The following ABCA1 variants were observed in gnomAD, a reference collection of about 807,000 sequenced individuals.
ABCA1 encodes ATP binding cassette subfamily A member 1.
Under a neutral mutation model 262.5 loss-of-function variants are expected in ABCA1, and 133 were observed. The observed-to-expected ratio is 0.51, with a 90% CI of 0.44 to 0.59. The LOEUF is 0.59. Ranked by LOEUF, ABCA1 falls within the 20% of genes least tolerant of loss-of-function variation. The pLI is 0.00. For missense variants in ABCA1, 2,452 were observed against 2,777.5 expected, an observed-to-expected ratio of 0.88 and a Z score of 2.63; for synonymous variants, 1,022 against 1,043.5, an observed-to-expected ratio of 0.98 and a Z score of 0.40.
intron 1 of ABCA1, among the ~76,000 whole-genome samples, chr9:104,926,053 CTT>C (rs1046457568): frequency 1.1e-4 from 16 of 151,954 alleles, no homozygotes; most frequent in Admixed American, 7.9e-4. Context: ...AAATTCCACT[CTT>C]TAACTTGGGG....
At chr9:104,863,907 C>T (rs140427187) in intron 5 of ABCA1, among the ~76,000 whole-genome samples, 58 of 152,188 alleles carry the variant, frequency 3.8e-4, no homozygotes, top group Non-Finnish European at 1.0e-4. Flanking sequence ...AGGGAGCATG[C>T]GAAAATGCAG....
Position 104,912,745 on chromosome 9 carries a change from G to A in ABCA1, c.-92-8974C>T, listed in dbSNP as rs538793867. On this transcript the variant is annotated intron_variant, in intron 1 of 49. Coordinates refer to ENST00000374736, the MANE Select transcript of ABCA1 (RefSeq NM_005502.4). ...ACCACTATTTGCCTTTTCCCTGGTC[G>A]GGGGGTATGTAGCACATAGAAAAAA... 2.0e-5 allele frequency among the ~76,000 whole-genome samples: 3 copies of A among 152,224 alleles called. No homozygotes were observed. In the South Asian group the frequency reaches 6.2e-4, roughly 32 times the overall value.
chr9:104,840,488 C>T lies in ABCA1; in HGVS notation c.845G>A (p.Arg282Gln), dbSNP rs777890632. ...LFSMRSWSDMRQEVMFLTNVN... is the reference protein window; with the variant it reads ...LFSMRSWSDMQQEVMFLTNVN... ...ATTGGTCAGAAACATCACCTCCTGT[C>T]GCATGTCACTCCAGCTTCTCATGCT... The change falls in exon 9 of 50, where the codon CGA becomes CAA. Residue 282 changes from arginine to glutamine, a missense_variant. By Grantham distance (43) the Arg-to-Gln change is conservative. Transcript: ENST00000374736. 9.9e-6 allele frequency: 16 copies of T among 1,613,814 alleles called. No homozygotes were observed. The highest frequency in any genetic ancestry group is 5.3e-5 in the African/African-American group (4 of 74,862).
chr9:104,880,733 A>G (rs1304753452), intron 5 of ABCA1, among the ~76,000 whole-genome samples: 1 of 152,140 alleles, frequency 6.6e-6, no homozygotes, highest in Non-Finnish European at 1.5e-5. Flanking sequence ...AGAGATGTAA[A>G]ACAAGCACTG....
chr9:104,793,101 G>T, intron 41 of ABCA1, 70 bp downstream of exon 41: 1 of 1,603,422 alleles, frequency 6.2e-7, no homozygotes, highest in South Asian at 1.1e-5. Flanking sequence ...CCCCATTGGT[G>T]AGTGTTTCCC....
intron 1 of ABCA1, among the ~76,000 whole-genome samples, chr9:104,914,377 C>T (rs1237872416): frequency 6.6e-6 from 1 of 151,658 alleles, no homozygotes; most frequent in Non-Finnish European, 1.5e-5. Context: ...ACTCAGGAGG[C>T]TGAGCCAGGA....
intron 9 of ABCA1, 74 bp from the exon 10 acceptor site, chr9:104,837,641 C>T: frequency 6.4e-7 from 1 of 1,570,772 alleles, no homozygotes; most frequent in Admixed American, 1.7e-5. Context: ...GGCTTTGGAG[C>T]CAGAGAGTTC....
At chr9:104,860,910 C>T (rs1003654246) in intron 6 of ABCA1, among the ~76,000 whole-genome samples, 2 of 152,054 alleles carry the variant, frequency 1.3e-5, no homozygotes, top group South Asian at 4.1e-4. Context: ...GAGCATGCCA[C>T]CACGCTGAGC....
chr9:104,892,162 G>A (rs1005778807), intron 2 of ABCA1, among the ~76,000 whole-genome samples: 1 of 151,936 alleles, frequency 6.6e-6, no homozygotes, highest in African/African-American at 2.4e-5. Context: ...CTCTCTGGAA[G>A]AAAGCATGCT....
intron 5 of ABCA1, among the ~76,000 whole-genome samples, chr9:104,868,999 A>C (rs1028744323): frequency 1.3e-5 from 2 of 151,442 alleles, no homozygotes; most frequent in African/African-American, 4.9e-5. Flanking sequence ...AGGAGAGGGA[A>C]GAGAGGGGTG....
At chr9:104,784,648 T>C (rs1334408745) in intron 49 of ABCA1, among the ~76,000 whole-genome samples, 193 bp from the exon 50 acceptor site, 1 of 151,928 alleles carries the variant, frequency 6.6e-6, no homozygotes, top group African/African-American at 2.4e-5. Context: ...AAAAATAGAC[T>C]TTTTTTCCCC....
chr9:104,831,135 T>C, intron 13 of ABCA1, 34 bp from the exon 14 acceptor site: 1 of 1,561,596 alleles, frequency 6.4e-7, no homozygotes, highest in Non-Finnish European at 8.7e-7. Flanking sequence ...AACCATTCCT[T>C]TAGAACCATA....
At position 104,806,221 on chromosome 9, in the gene ABCA1, A is replaced by AC; in HGVS notation, c.4464+19dup. 3 of 1,610,966 alleles carry AC rather than the reference A, an allele frequency of 1.9e-6. No individual in the cohort carries two copies. In the South Asian group the frequency reaches 3.3e-5, roughly 18 times the overall value. On this transcript the variant is annotated intron_variant, in intron 31 of 49. Transcript: ENST00000374736. Reference sequence around the variant, plus strand: ...CATCCTGCACCCCTTCTGCCCAATCACCCCCTGAAAGTGACTCACTTGTGG... The same window carrying AC: ...CATCCTGCACCCCTTCTGCCCAATCACCCCCCTGAAAGTGACTCACTTGTGG...
Position 104,809,521 on chromosome 9 carries a change from C to A in ABCA1, c.4219G>T (p.Ala1407Ser). Reference sequence around the variant, plus strand: ...CCGAAGCCAGGGTCTTTGGTGAGGGCGTTTAAGAGTTCCAGGGTTCCCGTG... The same window carrying A: ...CCGAAGCCAGGGTCTTTGGTGAGGGAGTTTAAGAGTTCCAGGGTTCCCGTG... ...EDTGTLELLN[A>S]LTKDPGFGTR... Residue 1407 changes from alanine (A) to serine (S), a missense_variant, in exon 30 of 50, where the codon GCC (alanine) becomes TCC (serine). Physicochemically the swap from Ala to Ser is moderately conservative, Grantham distance 99. Transcript: ENST00000374736. The A allele has an allele frequency of 1.2e-6, 2 of 1,614,104 alleles. No homozygotes were observed.
chr9:104,818,555 T>C lies in ABCA1; in HGVS notation c.3462+108A>G, dbSNP rs1041837947. 1.3e-5 allele frequency: 13 copies of C among 1,033,608 alleles called. No individual in the cohort carries two copies. In the African/African-American group the frequency reaches 1.9e-4, roughly 15 times the overall value. The allele number at this position is 1,033,608 out of a possible 1,614,324, so 64.0% of individuals were successfully genotyped here. On this transcript the variant is annotated intron_variant, in intron 23 of 49. Transcript: ENST00000374736. ...TCAAAGGGGCAACAGAGCAGGGAGATGGTGGTTTCAACATGGCAAAAGGGG... is the reference window on the plus strand; with the variant it reads ...TCAAAGGGGCAACAGAGCAGGGAGACGGTGGTTTCAACATGGCAAAAGGGG...
intron 36 of ABCA1, 103 bp from the exon 37 acceptor site, chr9:104,798,701 CAG>C: frequency 1.0e-6 from 1 of 981,896 alleles, no homozygotes. Flanking sequence ...TACACACACA[CAG>C]AGATATCTGA....
intron 5 of ABCA1, among the ~76,000 whole-genome samples, chr9:104,880,273 TG>T (rs1300318139): frequency 6.6e-6 from 1 of 152,112 alleles, no homozygotes; most frequent in African/African-American, 2.4e-5. Flanking sequence ...GGTCTCTAAG[TG>T]GGGATCCATA....
chr9:104,817,600 G>A lies in ABCA1; in HGVS notation c.3463-196C>T, dbSNP rs1001613072. ...ATGTGTGTGCCGTGTGAACAGCCTC[G>A]CTTCCTGAGGGTGAAAGGTCAGGAA... On this transcript the variant is annotated intron_variant, in intron 23 of 49. Coordinates refer to ENST00000374736, the MANE Select transcript of ABCA1 (RefSeq NM_005502.4). The surrounding 1 kb of genome is among the most constrained non-coding windows in gnomAD (Gnocchi z 4.7). Among the ~76,000 whole-genome samples, 25 of 152,348 alleles carry A rather than the reference G, an allele frequency of 1.6e-4. No homozygotes were observed. The highest frequency in any genetic ancestry group is 3.9e-4 in the Admixed American group (6 of 15,304).
At chr9:104,866,342 A>G (rs982318113) in intron 5 of ABCA1, among the ~76,000 whole-genome samples, 12 of 152,108 alleles carry the variant, frequency 7.9e-5, no homozygotes, top group African/African-American at 2.7e-4. Context: ...AAAGCCAAGA[A>G]TATTAAGAAA....
Sources: allele counts gnomAD v4.1 joint callset (sites outside exome capture counted in the v4.1 genomes callset), GRCh38; gene constraint gnomAD v4.1.1; non-coding constraint Gnocchi (gnomAD v3.1); transcripts MANE v1.5; gene names NCBI Gene and HGNC (gene_info 2026-07-23, HGNC 2026-07-21).